COPS3: variants seen among roughly 807,000 people sequenced by gnomAD.
COPS3 encodes the protein COP9 signalosome complex subunit 3.
In COPS3, 10 loss-of-function variants were observed where a neutral mutation model predicts 58.2. The observed-to-expected ratio is 0.17, with a 90% CI of 0.11 to 0.29. COPS3 has a LOEUF of 0.29. COPS3 is among the 10% of genes least tolerant of loss of function. The probability of loss-of-function intolerance (pLI) is 1.00; values close to 1 mark genes in which losing one functional copy is unlikely to be tolerated. For synonymous variants in COPS3, 187 were observed against 181.7 expected, an observed-to-expected ratio of 1.03 and a Z score of -0.24; for missense variants, 333 against 510.1, an observed-to-expected ratio of 0.65 and a Z score of 3.34.
intron 8 of COPS3, among the ~76,000 whole-genome samples, chr17:17,259,317 G>C (rs118101681): frequency 1.1e-3 from 174 of 152,268 alleles, no homozygotes; most frequent in Non-Finnish European, 2.0e-3. Flanking sequence ...TATTTGTTGA[G>C]CTACAGGATT....
At chr17:17,271,840 C>CTATATCTA (rs1555620661) in intron 2 of COPS3, among the ~76,000 whole-genome samples, 2 of 139,168 alleles carry the variant, frequency 1.4e-5, no homozygotes, top group African/African-American at 5.3e-5. Flanking sequence ...CTATATATAT[C>CTATATCTA]TATATATATA....
In COPS3 at chr17:17,276,187, T is replaced by C. The variant is rs956202117; in HGVS notation, c.56-23A>G. On this transcript the variant is annotated intron_variant, in intron 1 of 11. Coordinates refer to ENST00000268717, the MANE Select transcript of COPS3 (RefSeq NM_003653.4). The stretch of plus-strand genomic sequence containing the variant: ...GCCCTGGAAAACAGGAACAACACTA[T>C]TGCATTTCAGCTACAGCACTAACCA... The C allele has an allele frequency of 5.6e-6, 9 of 1,612,516 alleles. No individual in the cohort carries two copies. The African/African-American group carries it at 6.7e-5, about 12-fold the overall frequency.
chr17:17,262,286 G>C (rs1490759026), intron 6 of COPS3, among the ~76,000 whole-genome samples, 180 bp from the exon 7 acceptor site: 7 of 151,940 alleles, frequency 4.6e-5, no homozygotes, highest in Non-Finnish European at 5.9e-5. Flanking sequence ...TTAGAGACAG[G>C]GTCTCGCTCT....
intron 2 of COPS3, among the ~76,000 whole-genome samples, chr17:17,272,010 G>A (rs2048364411): frequency 6.7e-6 from 1 of 150,316 alleles, no homozygotes; most frequent in Non-Finnish European, 1.5e-5. Context: ...GGCTGGGCAT[G>A]GTGGCTCAAG....
intron 1 of COPS3, among the ~76,000 whole-genome samples, chr17:17,276,879 C>T (rs1367007798): frequency 6.6e-6 from 1 of 152,118 alleles, no homozygotes; most frequent in East Asian, 1.9e-4. Flanking sequence ...TCTCCTCCAA[C>T]CCGCACTCCA....
chr17:17,264,327 CTAT>C (rs1567855044), intron 6 of COPS3, among the ~76,000 whole-genome samples: 3 of 152,030 alleles, frequency 2.0e-5, no homozygotes, highest in Non-Finnish European at 4.4e-5. Context: ...AAATTGTGTA[CTAT>C]GTTTCATTAC....
chr17:17,262,755 A>C (rs2048130304), intron 6 of COPS3, among the ~76,000 whole-genome samples: 3 of 151,608 alleles, frequency 2.0e-5, no homozygotes. Context: ...TTTTGTAGAA[A>C]TGGAGTCTCA....
chr17:17,271,014 A>G lies in COPS3; in HGVS notation c.186-6T>C, dbSNP rs769197105. 12 of 1,596,594 alleles carry G rather than the reference A, an allele frequency of 7.5e-6. No individual in the cohort carries two copies. The South Asian group carries it at 1.3e-4, about 18-fold the overall frequency. On this transcript the variant is annotated splice_region_variant and splice_polypyrimidine_tract_variant and intron_variant, in intron 2 of 11. Transcript: ENST00000268717. ...GCATAGAAAACTTCACAAACCTAGA[A>G]TAAGGAGAAAAGAATCAAATTACCC...
chr17:17,278,942 T>C (rs531469879), intron 1 of COPS3, among the ~76,000 whole-genome samples: 5 of 151,866 alleles, frequency 3.3e-5, no homozygotes, highest in Admixed American at 6.6e-5. Flanking sequence ...TGGCGCGATC[T>C]TGGCTCACTG....
chr17:17,264,242 TAAGTA>T (rs1037900579), intron 6 of COPS3, among the ~76,000 whole-genome samples: 9 of 152,250 alleles, frequency 5.9e-5, no homozygotes, highest in South Asian at 2.1e-4. Context: ...TAATTTACCT[TAAGTA>T]AAGTGGTTTA....
At chr17:17,249,190 T>C (rs1354223863) in intron 9 of COPS3, 151 bp from the exon 10 acceptor site, 1 of 567,450 alleles carries the variant, frequency 1.8e-6, no homozygotes, top group Non-Finnish European at 3.1e-6. Context: ...TATCCAAGTA[T>C]TTATTAAATA....
In COPS3 at chr17:17,254,952, G is replaced by C. The variant is rs748824122; in HGVS notation, c.937-7C>G. 2.5e-6 allele frequency: 4 copies of C among 1,600,946 alleles called. No individual in the cohort carries two copies. Among genetic ancestry groups the C allele is most frequent in the Middle Eastern group, 1.7e-4 (1 of 6,050 alleles). ...ATGATAGAGTTAAAAAGGTCTGAAA[G>C]TCAGAAGCAGAATTAGTCACAGGTA... On this transcript the variant is annotated splice_region_variant and splice_polypyrimidine_tract_variant and intron_variant, in intron 8 of 11. Coordinates refer to ENST00000268717, the MANE Select transcript of COPS3 (RefSeq NM_003653.4).
In COPS3 at chr17:17,270,433, T is replaced by C. The variant is rs76481415; in HGVS notation, c.348+325A>G. 2.5e-3 allele frequency among the ~76,000 whole-genome samples: 377 copies of C among 152,236 alleles called. 1 individual carries two copies. Among genetic ancestry groups the C allele is most frequent in the African/African-American group, 8.7e-3 (362 of 41,548 alleles). On this transcript the variant is annotated intron_variant, in intron 4 of 11. Coordinates refer to ENST00000268717, the MANE Select transcript of COPS3 (RefSeq NM_003653.4). ...GAAGCTTTTTGTAAGGCTAAAATAA[T>C]GTCCTAATTAAAAGTTAAAAGAAAA... is the stretch of plus-strand genomic sequence containing the variant.
At chr17:17,269,705 A>G (rs1462450526) in intron 4 of COPS3, among the ~76,000 whole-genome samples, 1 of 152,244 alleles carries the variant, frequency 6.6e-6, no homozygotes, top group Non-Finnish European at 1.5e-5. Context: ...TAAAGAAACA[A>G]AGCAGTCTAA....
At chr17:17,278,388 C>G (rs1166342009) in intron 1 of COPS3, among the ~76,000 whole-genome samples, 2 of 152,160 alleles carry the variant, frequency 1.3e-5, no homozygotes, top group East Asian at 3.8e-4. Context: ...ATACAAGTGA[C>G]TATAGCTAGG....
chr17:17,258,836 T>C (rs1484902748), intron 8 of COPS3, among the ~76,000 whole-genome samples: 2 of 152,226 alleles, frequency 1.3e-5, no homozygotes, highest in Non-Finnish European at 2.9e-5. Context: ...TTTCACGTTC[T>C]TCATTTTTCT....
chr17:17,248,661 T>TTGC lies in COPS3; in HGVS notation c.1137+262_1137+264dup, dbSNP rs1444595118. Among the ~76,000 whole-genome samples, 5 of 152,240 alleles carry TTGC rather than the reference T, an allele frequency of 3.3e-5. No individual in the cohort carries two copies. The East Asian group carries it at 5.8e-4, about 18-fold the overall frequency. On this transcript the variant is annotated intron_variant, in intron 10 of 11. Transcript: ENST00000268717. ...CCATTCTGGGTTTCTTTTGTTGTTG[T>TTGC]TGCTGCTTTTCTTGAGACAGAGTCT...
intron 8 of COPS3, among the ~76,000 whole-genome samples, chr17:17,255,898 G>A (rs1313204685): frequency 2.8e-5 from 4 of 143,046 alleles, no homozygotes; most frequent in South Asian, 2.3e-4. Flanking sequence ...GGCTGGGCAC[G>A]GTGGCTCATG....
intron 4 of COPS3, among the ~76,000 whole-genome samples, 163 bp downstream of exon 4, chr17:17,270,595 G>A (rs544524963): frequency 1.3e-5 from 2 of 151,852 alleles, no homozygotes; most frequent in Non-Finnish European, 2.9e-5. Context: ...GGGGATGCGG[G>A]GACTGCCTGA....
Sources: allele counts gnomAD v4.1 joint callset (sites outside exome capture counted in the v4.1 genomes callset), GRCh38; gene constraint gnomAD v4.1.1; transcripts MANE v1.5; gene names NCBI Gene and HGNC (gene_info 2026-07-23, HGNC 2026-07-21).